The following NEDD9 variants were observed in gnomAD, a reference collection of about 807,000 sequenced individuals.
NEDD9 encodes enhancer of filamentation 1.
Under a neutral mutation model 76.6 loss-of-function variants are expected in NEDD9, and 26 were observed. The ratio of observed to expected loss-of-function variants is 0.34; its 90% CI spans 0.25 to 0.47. The LOEUF (loss-of-function observed/expected upper bound fraction) is 0.47, where lower values mean the gene tolerates loss of function less well. NEDD9 is among the 20% of genes least tolerant of loss of function. NEDD9 has a pLI of 1.00. For missense variants in NEDD9, 937 were observed against 1,058.5 expected, an observed-to-expected ratio of 0.89 and a Z score of 1.59; for synonymous variants, 392 against 414.2, an observed-to-expected ratio of 0.95 and a Z score of 0.65.
chr6:11,367,069 C>T lies in NEDD9; in HGVS notation c.-214+15070G>A, dbSNP rs9394072. 4.8e-4 allele frequency among the ~76,000 whole-genome samples: 70 copies of T among 145,124 alleles called. No homozygotes were observed. In the East Asian group the frequency reaches 0.01, roughly 22 times the overall value. ...GAACATTAAGAAAGGAGGGTTACCTCGAGAGGAGAACCGTATAAAGCTCAA... is the reference window on the plus strand; with the variant it reads ...GAACATTAAGAAAGGAGGGTTACCTTGAGAGGAGAACCGTATAAAGCTCAA... On this transcript the variant is annotated intron_variant, in intron 1 of 3. Coordinates refer to the NEDD9 transcript ENST00000397378.
At chr6:11,303,233 G>T (rs1047322270) in intron 3 of NEDD9, among the ~76,000 whole-genome samples, 9 of 152,126 alleles carry the variant, frequency 5.9e-5, no homozygotes, top group Non-Finnish European at 1.3e-4. Flanking sequence ...TAGACAAACA[G>T]AGAGCCAAAT....
chr6:11,370,699 T>G lies in NEDD9; in HGVS notation c.-214+11440A>C, dbSNP rs537932178. ...CTCACTGGATGATCCACTCACTGGC[T>G]CACTCACTCGTTCCTTCAGCAGATG... On this transcript the variant is annotated intron_variant, in intron 1 of 3. Coordinates refer to the NEDD9 transcript ENST00000397378. The surrounding 1 kb of genome is among the most constrained non-coding windows in gnomAD (Gnocchi z 4.2). 3.9e-5 allele frequency among the ~76,000 whole-genome samples: 6 copies of G among 152,304 alleles called. No homozygotes were observed. Among genetic ancestry groups the G allele is most frequent in the Admixed American group, 1.3e-4 (2 of 15,308 alleles).
intron 1 of NEDD9, among the ~76,000 whole-genome samples, chr6:11,350,172 A>G (rs1029263255): frequency 1.3e-5 from 2 of 152,222 alleles, no homozygotes; most frequent in Non-Finnish European, 2.9e-5. Context: ...AAAAAGGTAC[A>G]TATATATCTC....
intron 3 of NEDD9, among the ~76,000 whole-genome samples, chr6:11,280,929 A>G (rs934398490): frequency 6.6e-6 from 1 of 152,190 alleles, no homozygotes; most frequent in Non-Finnish European, 1.5e-5. Context: ...TTTCTAATAC[A>G]AGAAGTCATG....
At chr6:11,230,989 A>G (rs543392086) in intron 1 of NEDD9, among the ~76,000 whole-genome samples, 31 of 152,246 alleles carry the variant, frequency 2.0e-4, no homozygotes, top group Admixed American at 4.6e-4. Context: ...TAATAGACAT[A>G]TGAACATACT....
intron 1 of NEDD9, chr6:11,214,104 G>T (rs1241986325): frequency 1.1e-5 from 5 of 466,546 alleles, no homozygotes; most frequent in Non-Finnish European, 2.1e-5. Flanking sequence ...GAGATATTCA[G>T]ATGTTCGACA....
chr6:11,337,928 G>C (rs972637607), intron 1 of NEDD9, among the ~76,000 whole-genome samples: 1 of 152,058 alleles, frequency 6.6e-6, no homozygotes, highest in East Asian at 1.9e-4. Context: ...TATACATCTC[G>C]GGCATGAGGA....
At chr6:11,231,639 T>C (rs1396026184) in intron 1 of NEDD9, among the ~76,000 whole-genome samples, 2 of 152,208 alleles carry the variant, frequency 1.3e-5, no homozygotes, top group East Asian at 3.8e-4. Context: ...TCATGTCCAA[T>C]TCATTGCAGT....
At chr6:11,244,195 C>T (rs567540872) in intron 3 of NEDD9, among the ~76,000 whole-genome samples, 1 of 152,178 alleles carries the variant, frequency 6.6e-6, no homozygotes, top group East Asian at 1.9e-4. Flanking sequence ...GTGGGTCTAC[C>T]CTGCAGATTT....
intron 3 of NEDD9, among the ~76,000 whole-genome samples, chr6:11,260,874 G>GTATT (rs1236892577): frequency 1.9e-4 from 28 of 149,184 alleles, no homozygotes; most frequent in Non-Finnish European, 3.7e-4. Flanking sequence ...GAGCATGTAT[G>GTATT]TGTGAGCACG....
At chr6:11,369,289 C>T (rs908067481) in intron 1 of NEDD9, among the ~76,000 whole-genome samples, 1 of 151,876 alleles carries the variant, frequency 6.6e-6, no homozygotes, top group Non-Finnish European at 1.5e-5. Context: ...TTTTGCTTTG[C>T]CATTTATTTT....
At chr6:11,330,675 C>T (rs1462920947) in intron 2 of NEDD9, among the ~76,000 whole-genome samples, 1 of 152,180 alleles carries the variant, frequency 6.6e-6, no homozygotes, top group African/African-American at 2.4e-5. Flanking sequence ...TTTTTCTCTT[C>T]CTCCTTGTGG....
At chr6:11,259,747 T>A (rs2113321643) in intron 3 of NEDD9, among the ~76,000 whole-genome samples, 1 of 152,290 alleles carries the variant, frequency 6.6e-6, no homozygotes, top group East Asian at 1.9e-4. Context: ...AATTTCTAAT[T>A]TTCCTATTAA....
At chr6:11,349,928 TA>T (rs1392056346) in intron 1 of NEDD9, among the ~76,000 whole-genome samples, 1 of 152,012 alleles carries the variant, frequency 6.6e-6, no homozygotes, top group African/African-American at 2.4e-5. Flanking sequence ...AAATAAAAGT[TA>T]AAAAAATAAT....
intron 3 of NEDD9, among the ~76,000 whole-genome samples, chr6:11,301,929 G>A (rs769760584): frequency 6.6e-5 from 10 of 152,182 alleles, no homozygotes; most frequent in Admixed American, 2.0e-4. Flanking sequence ...ATCTAAAATC[G>A]ACACTCTAAC....
intron 3 of NEDD9, among the ~76,000 whole-genome samples, chr6:11,285,964 C>A (rs1271039953): frequency 6.6e-6 from 1 of 152,026 alleles, no homozygotes; most frequent in Non-Finnish European, 1.5e-5. Flanking sequence ...ACCAAAAGCA[C>A]AATCCATAAA....
chr6:11,307,601 A>G (rs536531072), intron 2 of NEDD9, among the ~76,000 whole-genome samples: 4 of 152,300 alleles, frequency 2.6e-5, no homozygotes, highest in East Asian at 1.9e-4. Context: ...TGATTTGTCT[A>G]TGGGGATACC....
intron 1 of NEDD9, among the ~76,000 whole-genome samples, chr6:11,376,690 G>C (rs931163917): frequency 6.6e-6 from 1 of 152,222 alleles, no homozygotes; most frequent in African/African-American, 2.4e-5. Flanking sequence ...GTAAAAGTTT[G>C]TAAAATTTGC....
chr6:11,356,224 T>C (rs927695044), intron 1 of NEDD9, among the ~76,000 whole-genome samples: 2 of 152,150 alleles, frequency 1.3e-5, no homozygotes, highest in African/African-American at 2.4e-5. Context: ...CTCTTTGTTA[T>C]GGGGCAAATG....
Sources: gnomAD v4.1 joint callset for allele counts (sites outside exome capture counted in the v4.1 genomes callset) on GRCh38, gnomAD v4.1.1 for gene constraint, Gnocchi (gnomAD v3.1) non-coding constraint, MANE v1.5 for transcripts, NCBI Gene and HGNC (gene_info 2026-07-23, HGNC 2026-07-21) for gene names.